Variants in DMD observed in about 807,000 individuals in gnomAD.
DMD encodes dystrophin.
DMD carries 63 observed loss-of-function variants against 330.1 expected under a neutral mutation model. That is an observed-to-expected ratio of 0.19 (90% CI 0.16 to 0.24). The LOEUF (loss-of-function observed/expected upper bound fraction) is 0.24, where lower values mean the gene tolerates loss of function less well. Ranked by LOEUF, DMD falls within the 10% of genes least tolerant of loss-of-function variation. DMD has a pLI of 1.00. For missense variants in DMD, 3,344 were observed against 2,684.1 expected (o/e 1.25, Z -5.43); for synonymous variants, 1,223 against 959.8 (o/e 1.27, Z -5.07).
At position 32,829,588 on chromosome X, in the gene DMD, T is replaced by G. The variant is rs146931254; in HGVS notation, c.265-6201A>C. Among the ~76,000 whole-genome samples, 1,076 of 111,960 alleles carry G rather than the reference T, an allele frequency of 9.6e-3. 17 individuals carry two copies. Among genetic ancestry groups the G allele is most frequent in the African/African-American group, 0.034 (1,039 of 30,910 alleles). On this transcript the variant is annotated intron_variant, in intron 4 of 78. Transcript: ENST00000357033. ...TGAATGGATTATTCTTATTCAATTT[T>G]CTACGTTGAATACAATTTTTATTTT...
intron 2 of DMD, among the ~76,000 whole-genome samples, chrX:32,996,350 TA>T (rs34430996): frequency 1.8e-5 from 2 of 111,802 alleles, no homozygotes; most frequent in Non-Finnish European, 1.9e-5. Context: ...TCCTATTACT[TA>T]AAAAAGTAAT....
intron 9 of DMD, among the ~76,000 whole-genome samples, chrX:32,649,792 T>C (rs2060023668): frequency 9.0e-6 from 1 of 110,746 alleles, no homozygotes. Flanking sequence ...AAATATATTT[T>C]AAAATCCAGT....
intron 44 of DMD, among the ~76,000 whole-genome samples, chrX:32,050,254 C>A (rs1168686393): frequency 9.1e-6 from 1 of 110,410 alleles, no homozygotes; most frequent in Non-Finnish European, 1.9e-5. Context: ...CTGCCTATAT[C>A]AAATAGTATA....
At chrX:31,147,540 AAAAGAAAAAAAAAG>A (rs1289180022) in intron 74 of DMD, 22 bp from the exon 75 acceptor site, 4 of 979,812 alleles carry the variant, frequency 4.1e-6, no homozygotes, top group African/African-American at 4.6e-5. Context: ...AAAAAAGTAA[AAAAGAAAAAAAAAG>A]AAAGAAAAAG....
intron 52 of DMD, among the ~76,000 whole-genome samples, chrX:31,716,226 T>C (rs944683000): frequency 5.3e-5 from 6 of 112,154 alleles, no homozygotes; most frequent in African/African-American, 1.3e-4. Context: ...TTCTCCCACT[T>C]TTCCTACTCG....
chrX:31,425,498 T>C (rs761608910), intron 60 of DMD, among the ~76,000 whole-genome samples: 4 of 111,737 alleles, frequency 3.6e-5, no homozygotes, highest in East Asian at 2.8e-4. Flanking sequence ...GTTCAGATAT[T>C]GGGCAACAAA....
At chrX:31,771,197 T>C (rs998661442) in intron 51 of DMD, among the ~76,000 whole-genome samples, 3 of 110,601 alleles carry the variant, frequency 2.7e-5, no homozygotes, top group Non-Finnish European at 5.7e-5. Context: ...CACACACATT[T>C]GTTTAATGAT....
rs1250351808 is a variant in DMD, at chrX:32,346,014, T to C, written c.5515A>G (p.Thr1839Ala). 8.3e-7 allele frequency: 1 copy of C among 1,209,895 alleles called. No homozygotes were observed. ...ATTTCCTCTCGCTTTCTCTCATCTG[T>C]GATTCTTTGTTGTAAGTTGTCTCCT... ...QRGDNLQQRI[T>A]DERKREEIKI... Residue 1839 changes from threonine (T) to alanine (A), a missense_variant, in exon 39 of 79, where the codon ACA (threonine) becomes GCA (alanine). Physicochemically the swap from Thr to Ala is moderately conservative, Grantham distance 58. Coordinates refer to ENST00000357033, the MANE Select transcript of DMD (RefSeq NM_004006.3).
intron 44 of DMD, among the ~76,000 whole-genome samples, chrX:32,044,999 C>A (rs551787317): frequency 1.8e-5 from 2 of 110,676 alleles, no homozygotes; most frequent in South Asian, 3.8e-4. Context: ...TGGGGCCTGG[C>A]GGGAGGTTTT....
intron 41 of DMD, among the ~76,000 whole-genome samples, chrX:32,332,163 G>T (rs2148727425): frequency 9.0e-6 from 1 of 111,395 alleles, no homozygotes; most frequent in East Asian, 2.8e-4. Context: ...TCTTAAAATT[G>T]CTTTATTCAT....
At chrX:32,779,305 G>A (rs935357005) in intron 7 of DMD, among the ~76,000 whole-genome samples, 7 of 108,469 alleles carry the variant, frequency 6.5e-5, no homozygotes, top group African/African-American at 6.7e-5. Flanking sequence ...AATGTTGCTC[G>A]GACACACAAT....
At chrX:32,553,542 C>T (rs1249426972) in intron 16 of DMD, among the ~76,000 whole-genome samples, 1 of 110,869 alleles carries the variant, frequency 9.0e-6, no homozygotes, top group East Asian at 2.8e-4. Context: ...CAAACCACCA[C>T]ATGTACCTCT....
chrX:31,433,932 T>C (rs1375207247), intron 60 of DMD, among the ~76,000 whole-genome samples: 1 of 112,140 alleles, frequency 8.9e-6, no homozygotes, highest in Non-Finnish European at 1.9e-5. Context: ...TTTAACTTAG[T>C]TTTATGCATT....
At chrX:32,906,901 T>C (rs2086772679) in intron 2 of DMD, among the ~76,000 whole-genome samples, 1 of 111,735 alleles carries the variant, frequency 8.9e-6, no homozygotes, top group Admixed American at 9.5e-5. Context: ...ATAAATATTA[T>C]GATCATGAAC....
intron 52 of DMD, among the ~76,000 whole-genome samples, chrX:31,701,496 T>C (rs180857908): frequency 1.8e-5 from 2 of 112,001 alleles, no homozygotes; most frequent in African/African-American, 6.5e-5. Context: ...TACCCATGCC[T>C]AATTCCCTCG....
intron 44 of DMD, among the ~76,000 whole-genome samples, chrX:31,995,608 G>T (rs2095579766): frequency 9.0e-6 from 1 of 111,259 alleles, no homozygotes; most frequent in Non-Finnish European, 1.9e-5. Context: ...GAGGGAGAGG[G>T]GAATAAGCAA....
intron 44 of DMD, among the ~76,000 whole-genome samples, chrX:32,173,716 T>C (rs1302912048): frequency 8.9e-6 from 1 of 111,960 alleles, no homozygotes; most frequent in East Asian, 2.8e-4. Flanking sequence ...TAAAATATTT[T>C]AAAGATATTT....
intron 76 of DMD, among the ~76,000 whole-genome samples, chrX:31,136,349 T>C (rs1333325303): frequency 8.9e-6 from 1 of 112,254 alleles, no homozygotes; most frequent in Non-Finnish European, 1.9e-5. Flanking sequence ...AAATTCACTA[T>C]TTTTAGTTTC....
intron 41 of DMD, among the ~76,000 whole-genome samples, chrX:32,325,296 T>A (rs2097645458): frequency 9.0e-6 from 1 of 111,464 alleles, no homozygotes; most frequent in Non-Finnish European, 1.9e-5. Context: ...TTGTATTAAT[T>A]GATTAAAGTA....
Sources: gnomAD v4.1 joint callset for allele counts (sites outside exome capture counted in the v4.1 genomes callset) on GRCh38, gnomAD v4.1.1 for gene constraint, MANE v1.5 for transcripts, NCBI Gene and HGNC (gene_info 2026-07-23, HGNC 2026-07-21) for gene names.